Variants in EPHB1 observed in about 807,000 individuals in gnomAD.
EPHB1 encodes EPH receptor B1.
EPHB1 carries 30 observed loss-of-function variants against 94.4 expected under a neutral mutation model. The observed-to-expected ratio is 0.32, with a 90% CI of 0.24 to 0.43. The LOEUF (loss-of-function observed/expected upper bound fraction) is 0.43, where lower values mean the gene tolerates loss of function less well. Among genes scored for constraint, EPHB1 ranks in the 20% least tolerant of loss-of-function variants. The pLI, the probability that EPHB1 is intolerant of heterozygous loss-of-function variation, is 1.00. For synonymous variants in EPHB1, 522 were observed against 489.1 expected, an observed-to-expected ratio of 1.07 and a Z score of -0.89; for missense variants, 1,055 against 1,308.3, an observed-to-expected ratio of 0.81 and a Z score of 2.99.
intron 3 of EPHB1, among the ~76,000 whole-genome samples, chr3:135,084,377 C>T (rs1559823429): frequency 6.6e-6 from 1 of 152,082 alleles, no homozygotes; most frequent in African/African-American, 2.4e-5. Flanking sequence ...AGACAGTGCT[C>T]ATGGTTAGAT....
chr3:135,123,100 G>C (rs1438251357), intron 4 of EPHB1, among the ~76,000 whole-genome samples: 1 of 152,162 alleles, frequency 6.6e-6, no homozygotes, highest in Non-Finnish European at 1.5e-5. Flanking sequence ...TACAGCATTA[G>C]GTGCCTCTAC....
intron 1 of EPHB1, among the ~76,000 whole-genome samples, chr3:134,911,438 G>C (rs2038451671): frequency 2.0e-5 from 3 of 152,162 alleles, no homozygotes; most frequent in Admixed American, 2.0e-4. Flanking sequence ...ATGATGGTGA[G>C]GTTTTAGAGG....
In EPHB1 at chr3:135,018,967, AGAG is replaced by A. The variant is rs1246702248; in HGVS notation, c.805+66917_805+66919del. Among the ~76,000 whole-genome samples, 149 of 152,234 alleles carry A rather than the reference AGAG, an allele frequency of 9.8e-4. 3 individuals are homozygous for A. The South Asian group carries it at 0.03, about 30-fold the overall frequency. ...ATTCTAAGCTGAGGCTGTGCCTTGG[AGAG>A]GCATGAGGCAGAGAGGACAGGGGAG... is the stretch of plus-strand genomic sequence containing the variant. On this transcript the variant is annotated intron_variant, in intron 3 of 15. Coordinates refer to ENST00000398015, the MANE Select transcript of EPHB1 (RefSeq NM_004441.5).
At chr3:135,188,674 C>G (rs1323716838) in intron 10 of EPHB1, among the ~76,000 whole-genome samples, 1 of 152,170 alleles carries the variant, frequency 6.6e-6, no homozygotes, top group Non-Finnish European at 1.5e-5. Context: ...AAGGGCCCGC[C>G]AACATCCAAT....
intron 3 of EPHB1, among the ~76,000 whole-genome samples, chr3:134,964,383 G>A (rs1289779595): frequency 6.6e-6 from 1 of 152,182 alleles, no homozygotes; most frequent in African/African-American, 2.4e-5. Flanking sequence ...ATGGTCGCAA[G>A]CCCATACGTT....
chr3:135,010,890 C>T (rs1393352016), intron 3 of EPHB1, among the ~76,000 whole-genome samples: 1 of 152,158 alleles, frequency 6.6e-6, no homozygotes, highest in Non-Finnish European at 1.5e-5. Context: ...CACCTGCCCC[C>T]AACCTCCATG....
intron 4 of EPHB1, among the ~76,000 whole-genome samples, chr3:135,125,667 C>T (rs1940166859): frequency 1.4e-5 from 2 of 147,028 alleles, no homozygotes; most frequent in Admixed American, 6.9e-5. Flanking sequence ...AACCACTGCA[C>T]ATGAAGCTGA....
chr3:135,004,530 C>G (rs1440795840), intron 3 of EPHB1, among the ~76,000 whole-genome samples: 1 of 152,164 alleles, frequency 6.6e-6, no homozygotes, highest in Non-Finnish European at 1.5e-5. Flanking sequence ...GGGAAGTTCT[C>G]CTGGATAATA....
chr3:134,819,732 A>T (rs1221331254), intron 1 of EPHB1, among the ~76,000 whole-genome samples: 1 of 152,134 alleles, frequency 6.6e-6, no homozygotes, highest in Non-Finnish European at 1.5e-5. Flanking sequence ...TTTGTGGGAA[A>T]GGTAGTTGCC....
chr3:135,101,506 T>C (rs766976694), intron 3 of EPHB1, among the ~76,000 whole-genome samples: 8 of 152,128 alleles, frequency 5.3e-5, no homozygotes, highest in Non-Finnish European at 1.5e-5. Flanking sequence ...CCTGAGTAGC[T>C]GGGATTACAG....
intron 9 of EPHB1, among the ~76,000 whole-genome samples, chr3:135,176,326 C>T (rs1428268514): frequency 4.6e-5 from 7 of 152,168 alleles, no homozygotes; most frequent in Admixed American, 3.9e-4. Context: ...TTCAGTTTCC[C>T]TTCTTCAATG....
At chr3:134,861,228 C>T (rs2108303867) in intron 1 of EPHB1, among the ~76,000 whole-genome samples, 1 of 152,148 alleles carries the variant, frequency 6.6e-6, no homozygotes. Flanking sequence ...GAAGAGATGT[C>T]AAGTAGAAAG....
intron 5 of EPHB1, among the ~76,000 whole-genome samples, chr3:135,141,125 G>A (rs560723687): frequency 2.7e-5 from 4 of 150,570 alleles, no homozygotes; most frequent in Admixed American, 6.6e-5. Context: ...ATTTTAAAGC[G>A]TGTGCGCTTC....
intron 1 of EPHB1, among the ~76,000 whole-genome samples, chr3:134,917,459 T>G (rs2038598649): frequency 6.6e-6 from 1 of 152,240 alleles, no homozygotes; most frequent in African/African-American, 2.4e-5. Context: ...CTATGCCACG[T>G]GTGAACCAAG....
intron 1 of EPHB1, among the ~76,000 whole-genome samples, chr3:134,839,075 A>T (rs989480843): frequency 6.6e-6 from 1 of 152,220 alleles, no homozygotes; most frequent in African/African-American, 2.4e-5. Context: ...AGCGTTTTAT[A>T]TATGTTACCT....
intron 1 of EPHB1, among the ~76,000 whole-genome samples, chr3:134,815,457 T>C (rs1191802290): frequency 1.3e-5 from 2 of 152,158 alleles, no homozygotes; most frequent in East Asian, 3.9e-4. Flanking sequence ...CCATAAAATA[T>C]ATGTGGTGAG....
At chr3:135,253,749 GA>G (rs1161335927) in intron 15 of EPHB1, among the ~76,000 whole-genome samples, 4 of 150,964 alleles carry the variant, frequency 2.6e-5, no homozygotes, top group Non-Finnish European at 4.4e-5. Context: ...ATTCTGTGAA[GA>G]AAGGCATTGG....
chr3:134,886,800 A>C (rs925875919), intron 1 of EPHB1, among the ~76,000 whole-genome samples: 1 of 152,058 alleles, frequency 6.6e-6, no homozygotes, highest in Non-Finnish European at 1.5e-5. Context: ...ATTCAGGCAG[A>C]GGGTGAGTTT....
rs1933039716 is a variant in EPHB1 at position 134,951,769 on chromosome 3, C to T, written c.522C>T (p.Tyr174=). Residue 174 remains tyrosine, a synonymous_variant, in exon 3 of 16, where the codon TAC becomes TAT. Coordinates refer to ENST00000398015, the MANE Select transcript of EPHB1 (RefSeq NM_004441.5). This position sits in a 1 kb window ranked among gnomAD's most constrained non-coding sequence, Gnocchi z 4.5. ...SFGPLTRNGF[Y]LAFQDYGACM... is the part of the protein sequence containing the mutation. ...GGCCTCTTACTCGGAATGGTTTTTA[C>T]CTCGCTTTTCAGGATTATGGAGCCT... 1 of 1,613,898 alleles carries T rather than the reference C, an allele frequency of 6.2e-7. No homozygotes were observed. Among genetic ancestry groups the T allele is most frequent in the Non-Finnish European group, 8.5e-7 (1 of 1,179,900 alleles).
Sources: gnomAD v4.1 joint callset for allele counts (sites outside exome capture counted in the v4.1 genomes callset) on GRCh38, gnomAD v4.1.1 for gene constraint, Gnocchi (gnomAD v3.1) non-coding constraint, MANE v1.5 for transcripts, NCBI Gene and HGNC (gene_info 2026-07-23, HGNC 2026-07-21) for gene names.